The following HAPLN2 variants were observed in gnomAD, a reference collection of about 807,000 sequenced individuals.
HAPLN2 encodes the protein hyaluronan and proteoglycan link protein 2.
HAPLN2 carries 27 observed loss-of-function variants against 29.3 expected under a neutral mutation model. That is an observed-to-expected ratio of 0.92 (90% confidence interval 0.68 to 1.27). The LOEUF (loss-of-function observed/expected upper bound fraction) is 1.27. Ranked by LOEUF, HAPLN2 falls within the 50% of genes most tolerant of loss-of-function variation. The probability of loss-of-function intolerance (pLI) is 0.00; values close to 1 mark genes in which losing one functional copy is unlikely to be tolerated. For synonymous variants in HAPLN2, 208 were observed against 211.7 expected, an observed-to-expected ratio of 0.98 and a Z score of 0.15; for missense variants, 454 against 484.3, an observed-to-expected ratio of 0.94 and a Z score of 0.59.
the HAPLN2 span, among the ~76,000 whole-genome samples, chr1:156,605,180 C>T: frequency 3.3e-4 from 50 of 151,550 alleles, no homozygotes; most frequent in South Asian, 9.4e-3. Context: ...GCACGAGGAT[C>T]GCTTGAACCT....
chr1:156,604,808 A>C, the HAPLN2 span, among the ~76,000 whole-genome samples: 322 of 152,294 alleles, frequency 2.1e-3, no homozygotes, highest in African/African-American at 7.2e-3. Context: ...GAGCTAAATA[A>C]ATGGAAAGAT....
At chr1:156,615,905 A>G (rs531844958), upstream of HAPLN2, among the ~76,000 whole-genome samples, 10 of 144,190 alleles carry the variant, frequency 6.9e-5, no homozygotes, top group South Asian at 1.9e-3. Flanking sequence ...TAGAGATCCT[A>G]TCTCTTAAAA....
chr1:156,601,824 G>A, the HAPLN2 span, among the ~76,000 whole-genome samples: 54 of 140,504 alleles, frequency 3.8e-4, no homozygotes, highest in African/African-American at 1.2e-3. Flanking sequence ...CAGAGTAGGT[G>A]ATAGCTGTGT....
chr1:156,612,459 G>C, the HAPLN2 span, among the ~76,000 whole-genome samples: 1 of 152,120 alleles, frequency 6.6e-6, no homozygotes, highest in Non-Finnish European at 1.5e-5. Context: ...CTAAATCATA[G>C]CTTACTGCAG....
At chr1:156,601,918 C>T in the HAPLN2 span, among the ~76,000 whole-genome samples, 1 of 151,738 alleles carries the variant, frequency 6.6e-6, no homozygotes, top group East Asian at 1.9e-4. Context: ...CTAGACATCT[C>T]AATAGGTTCA....
Position 156,624,455 on chromosome 1 carries a change from C to A in HAPLN2, c.544C>A (p.Gln182Lys). ...EQDGRLATYS[Q>K]LYQAWTEGLD... ...GGACGGACGCCTGGCCACCTACTCC[C>A]AGCTCTACCAGGGTGAGCGGCCGAA... The change falls in exon 5 of 7, where the codon CAG becomes AAG. Residue 182 changes from glutamine to lysine, a missense_variant. Physicochemically the swap from Gln to Lys is moderately conservative, Grantham distance 53 (BLOSUM62 1). Around this residue, in one of 3 missense-constraint regions of HAPLN2, gnomAD observed 235 missense variants for 236.9 expected, o/e 0.99. Coordinates refer to ENST00000255039, the MANE Select transcript of HAPLN2 (RefSeq NM_021817.3). 1 of 1,612,614 alleles carries A rather than the reference C, an allele frequency of 6.2e-7. No individual in the cohort carries two copies. Among genetic ancestry groups the A allele is most frequent in the East Asian group, 2.2e-5 (1 of 44,788 alleles).
the HAPLN2 span, among the ~76,000 whole-genome samples, chr1:156,612,258 A>C: frequency 7.9e-5 from 12 of 152,314 alleles, no homozygotes; most frequent in East Asian, 1.2e-3. Context: ...TCCCAACCTC[A>C]GGTGATCCAC....
chr1:156,622,800 G>A (rs909842519), intron 2 of HAPLN2, among the ~76,000 whole-genome samples: 4 of 151,692 alleles, frequency 2.6e-5, no homozygotes, highest in Non-Finnish European at 5.9e-5. Context: ...GGCCAGGCAC[G>A]GTGGCTCACG....
At position 156,625,544 on chromosome 1, in the gene HAPLN2, T is replaced by C. The variant is rs1678424375; in HGVS notation, c.*160T>C. On this transcript the variant is annotated 3_prime_UTR_variant, in exon 7 of 7. Coordinates refer to ENST00000255039, the MANE Select transcript of HAPLN2 (RefSeq NM_021817.3). The surrounding 1 kb of genome is among the most constrained non-coding windows in gnomAD (Gnocchi z 5.7). ...GGGGCTGCGGGCCTCGGACCCCGGC[T>C]GGCCCGGCGGCGGGGAGGGGAGGCG... The C allele has an allele frequency of 2.8e-6, 2 of 710,266 alleles. No individual in the cohort carries two copies. The highest frequency in any genetic ancestry group is 4.0e-5 in the Admixed American group (1 of 25,106). 44.0% of individuals were successfully genotyped at this position (710,266 alleles called of 1,614,324 possible). A position where few individuals can be genotyped will look rare whatever the true frequency, so the allele number is the denominator to read the frequency against.
At chr1:156,621,138 T>C (rs1013998590) in intron 2 of HAPLN2, among the ~76,000 whole-genome samples, 1 of 140,618 alleles carries the variant, frequency 7.1e-6, no homozygotes, top group Non-Finnish European at 1.5e-5. Flanking sequence ...AAGGTCTTGC[T>C]CTATCCCCTA....
upstream of HAPLN2, chr1:156,615,153 C>A (rs1678027115): frequency 6.6e-6 from 1 of 152,156 alleles, no homozygotes; most frequent in Non-Finnish European, 1.5e-5. Flanking sequence ...GAAGCCTGGG[C>A]CTGTGTCACC....
upstream of HAPLN2, among the ~76,000 whole-genome samples, chr1:156,616,851 C>T (rs1034028963): frequency 1.6e-4 from 24 of 152,090 alleles, no homozygotes; most frequent in African/African-American, 5.8e-4. Context: ...CTTTGGGAGG[C>T]CAAGGAGGGA....
the HAPLN2 span, among the ~76,000 whole-genome samples, chr1:156,605,423 C>A: frequency 4.7e-5 from 7 of 150,430 alleles, no homozygotes; most frequent in South Asian, 1.5e-3. Flanking sequence ...GAAACCCTGT[C>A]TCTAATAAAA....
Position 156,625,137 on chromosome 1 carries a change from C to T in HAPLN2, c.776C>T (p.Ser259Phe). Reference sequence around the variant, plus strand: ...TTCGTGCCCGGGCGGCTGACGCTGTCTGAAGCCCACGCGGCGTGCCGGCGA... The same window carrying T: ...TTCGTGCCCGGGCGGCTGACGCTGTTTGAAGCCCACGCGGCGTGCCGGCGA... ...VFFVPGRLTL[S>F]EAHAACRRRG... The change falls in exon 7 of 7, where the codon TCT becomes TTT. Residue 259 changes from serine to phenylalanine, a missense_variant. Ser to Phe is a radical substitution (Grantham distance 155). Transcript: ENST00000255039. The surrounding 1 kb of genome is among the most constrained non-coding windows in gnomAD (Gnocchi z 5.7). 5 of 1,541,788 alleles carry T rather than the reference C, an allele frequency of 3.2e-6. No individual in the cohort carries two copies. Among genetic ancestry groups the T allele is most frequent in the Non-Finnish European group, 4.4e-6 (5 of 1,146,626 alleles).
chr1:156,602,925 C>A, the HAPLN2 span, among the ~76,000 whole-genome samples: 1 of 152,058 alleles, frequency 6.6e-6, no homozygotes, highest in Non-Finnish European at 1.5e-5. Flanking sequence ...CTAGAAACTT[C>A]CAAACAGAAA....
Position 156,624,385 on chromosome 1 carries a change from G to A in HAPLN2, c.474G>A (p.Arg158=), listed in dbSNP as rs1181069046. The change falls in exon 5 of 7, where the codon CGG becomes CGA. Residue 158 remains arginine, a synonymous_variant. Coordinates refer to ENST00000255039, the MANE Select transcript of HAPLN2 (RefSeq NM_021817.3). The part of the protein sequence containing the change: ...VVFPYQPSRG[R]YQFNYYEAKQ... ...TTCCGTACCAACCCAGCCGGGGCCG[G>A]TACCAGTTCAATTACTACGAGGCGA... is the stretch of plus-strand genomic sequence containing the variant. 2 of 1,608,386 alleles carry A rather than the reference G, an allele frequency of 1.2e-6. No homozygotes were observed. The highest frequency in any genetic ancestry group is 1.7e-5 in the Admixed American group (1 of 59,370).
chr1:156,617,652 T>TC (rs1427207762), upstream of HAPLN2, among the ~76,000 whole-genome samples: 5 of 143,326 alleles, frequency 3.5e-5, no homozygotes, highest in African/African-American at 1.3e-4. Context: ...CCCAGCCTCT[T>TC]TTTTTTTTTT....
At chr1:156,613,881 C>T in the HAPLN2 span, among the ~76,000 whole-genome samples, 1 of 131,902 alleles carries the variant, frequency 7.6e-6, no homozygotes, top group Non-Finnish European at 1.5e-5. Context: ...CATGCCACTG[C>T]ACTTCAGCCT....
At chr1:156,620,493 A>G (rs979413152) in intron 2 of HAPLN2, among the ~76,000 whole-genome samples, 2 of 152,174 alleles carry the variant, frequency 1.3e-5, no homozygotes, top group African/African-American at 4.8e-5. Context: ...TTGAGCTATC[A>G]TTATTGTTGG....
Sources: allele counts gnomAD v4.1 joint callset (sites outside exome capture counted in the v4.1 genomes callset), GRCh38; gene constraint gnomAD v4.1.1; regional missense constraint gnomAD v4.1.1; non-coding constraint Gnocchi (gnomAD v3.1); transcripts MANE v1.5; gene names NCBI Gene and HGNC (gene_info 2026-07-23, HGNC 2026-07-21).